The following SLC35F1 variants were observed in gnomAD, a reference collection of about 807,000 sequenced individuals.
SLC35F1 encodes solute carrier family 35 member F1, also known as chromosome 6 open reading frame 169.
In SLC35F1, 14 loss-of-function variants were observed where a neutral mutation model predicts 48.7. The observed-to-expected ratio is 0.29, with a 90% CI of 0.19 to 0.45. The LOEUF is 0.45. Ranked by LOEUF, SLC35F1 falls within the 20% of genes least tolerant of loss-of-function variation. The probability of loss-of-function intolerance (pLI) is 1.00; values close to 1 mark genes in which losing one functional copy is unlikely to be tolerated. For synonymous variants in SLC35F1, 190 were observed against 202.2 expected (o/e 0.94, Z 0.51); for missense variants, 404 against 500.0 (o/e 0.81, Z 1.83).
chr6:118,260,049 G>T (rs888196826), intron 3 of SLC35F1, among the ~76,000 whole-genome samples: 1 of 152,110 alleles, frequency 6.6e-6, no homozygotes, highest in Non-Finnish European at 1.5e-5. Flanking sequence ...CAGTAAAAAG[G>T]AATGAGGTGT....
chr6:117,929,445 A>G (rs1323287846), intron 1 of SLC35F1, among the ~76,000 whole-genome samples: 2 of 124,300 alleles, frequency 1.6e-5, no homozygotes, highest in Admixed American at 9.2e-5. Flanking sequence ...ATATATGTGT[A>G]TGTATTTATG....
chr6:117,907,943 G>T, intron 1 of SLC35F1, 44 bp downstream of exon 1: 2 of 1,294,474 alleles, frequency 1.5e-6, no homozygotes, highest in Non-Finnish European at 1.9e-6. Context: ...CGGGGGCTGC[G>T]GGCGCCCGGC....
intron 2 of SLC35F1, among the ~76,000 whole-genome samples, chr6:118,161,433 CT>C (rs1278144059): frequency 2.0e-5 from 3 of 152,274 alleles, no homozygotes; most frequent in African/African-American, 7.2e-5. Context: ...TGAGAAGGGA[CT>C]GTTATTAGCA....
chr6:118,045,326 T>G (rs368535186), intron 1 of SLC35F1, among the ~76,000 whole-genome samples: 2 of 152,266 alleles, frequency 1.3e-5, no homozygotes. Flanking sequence ...ATGAACATAC[T>G]TGTCAGTTGC....
intron 1 of SLC35F1, among the ~76,000 whole-genome samples, chr6:118,137,583 C>T (rs1255626333): frequency 6.6e-6 from 1 of 152,158 alleles, no homozygotes; most frequent in East Asian, 1.9e-4. Context: ...TATCAAAGTG[C>T]ACTGGACCAC....
intron 1 of SLC35F1, among the ~76,000 whole-genome samples, chr6:118,026,050 T>C (rs1427952446): frequency 6.6e-6 from 1 of 152,154 alleles, no homozygotes; most frequent in Non-Finnish European, 1.5e-5. Flanking sequence ...ATTCACACCG[T>C]CTCCAGCCTT....
At chr6:118,192,561 A>G (rs1467828950) in intron 2 of SLC35F1, among the ~76,000 whole-genome samples, 3 of 152,188 alleles carry the variant, frequency 2.0e-5, no homozygotes, top group Non-Finnish European at 4.4e-5. Flanking sequence ...TAGTCAGTTA[A>G]ATACACAATT....
chr6:118,096,400 G>A (rs1188001551), intron 1 of SLC35F1, among the ~76,000 whole-genome samples: 1 of 152,092 alleles, frequency 6.6e-6, no homozygotes, highest in Admixed American at 6.6e-5. Flanking sequence ...AATTTTCGTA[G>A]ACATACTGAC....
Position 118,154,491 on chromosome 6 carries a change from A to G in SLC35F1, c.220A>G (p.Ile74Val). 1 of 1,613,678 alleles carries G rather than the reference A, an allele frequency of 6.2e-7. No individual in the cohort carries two copies. The highest frequency in any genetic ancestry group is 8.5e-7 in the Non-Finnish European group (1 of 1,179,840). ...CCTAGGCCAGGTGTTATCCCTCCTT[A>G]TTTGTGGAATTGGCTTGACTAGCAA... ...VALGQVLSLL[I>V]CGIGLTSKYL... The change falls in exon 2 of 8, where the codon ATT (isoleucine) becomes GTT (valine). Residue 74 changes from isoleucine (I) to valine (V), a missense_variant. Ile to Val is a conservative substitution (Grantham distance 29). Around this residue, in one of 2 missense-constraint regions of SLC35F1, gnomAD observed 306 missense variants for 419.1 expected, o/e 0.73. Transcript: ENST00000360388.
At chr6:117,967,309 C>T (rs900207392) in intron 1 of SLC35F1, among the ~76,000 whole-genome samples, 1 of 151,964 alleles carries the variant, frequency 6.6e-6, no homozygotes, top group Non-Finnish European at 1.5e-5. Context: ...CATTTTGAAA[C>T]CATAGAAAAA....
At chr6:118,128,009 C>T (rs1773653845) in intron 1 of SLC35F1, among the ~76,000 whole-genome samples, 1 of 151,784 alleles carries the variant, frequency 6.6e-6, no homozygotes, top group Non-Finnish European at 1.5e-5. Context: ...AGGATATGAA[C>T]AGACACTTCT....
intron 1 of SLC35F1, among the ~76,000 whole-genome samples, chr6:118,118,408 A>G (rs992445263): frequency 1.3e-5 from 2 of 152,200 alleles, no homozygotes; most frequent in Non-Finnish European, 2.9e-5. Flanking sequence ...CCTTGTTACC[A>G]TGGAAAATCA....
intron 1 of SLC35F1, among the ~76,000 whole-genome samples, chr6:118,102,246 CAA>C (rs1773268506): frequency 1.3e-5 from 2 of 152,188 alleles, no homozygotes; most frequent in African/African-American, 4.8e-5. Flanking sequence ...TGCAGTGGTG[CAA>C]TCATGTCTCA....
intron 3 of SLC35F1, among the ~76,000 whole-genome samples, chr6:118,264,608 C>G (rs1775749926): frequency 6.6e-6 from 1 of 152,218 alleles, no homozygotes; most frequent in African/African-American, 2.4e-5. Context: ...CAGCTCTCCT[C>G]AAAGATTGGA....
At chr6:118,126,173 GTC>G (rs1481252418) in intron 1 of SLC35F1, among the ~76,000 whole-genome samples, 1 of 152,156 alleles carries the variant, frequency 6.6e-6, no homozygotes, top group East Asian at 1.9e-4. Context: ...TGGACCTAGT[GTC>G]TCATCAATAA....
intron 1 of SLC35F1, among the ~76,000 whole-genome samples, chr6:117,928,644 T>C (rs1355255451): frequency 6.6e-6 from 1 of 152,214 alleles, no homozygotes; most frequent in Non-Finnish European, 1.5e-5. Flanking sequence ...AAGCCATAGA[T>C]ACTAGTTTGC....
intron 1 of SLC35F1, among the ~76,000 whole-genome samples, chr6:117,911,235 C>T (rs960290307): frequency 2.6e-5 from 4 of 152,102 alleles, no homozygotes; most frequent in Non-Finnish European, 5.9e-5. Flanking sequence ...CCCTGGTATA[C>T]TCAAAATTGT....
At chr6:117,979,478 T>C (rs574080330) in intron 1 of SLC35F1, among the ~76,000 whole-genome samples, 5 of 152,220 alleles carry the variant, frequency 3.3e-5, no homozygotes, top group Non-Finnish European at 5.9e-5. Context: ...AGAAGTAGAC[T>C]TCAGATACAT....
rs1471139124 is a variant in SLC35F1 at position 118,267,003 on chromosome 6, C to T, written c.486C>T (p.Asp162=). The part of the protein sequence containing the change: ...YTTLTSIQLL[D]CFVIPVVILL... ...TTCATCCCTCCCAATAGCTCCTGGA[C>T]TGTTTTGTGATCCCAGTCGTGATTT... is the stretch of plus-strand genomic sequence containing the variant. Residue 162 remains aspartate (D), a synonymous_variant, in exon 4 of 8, where the codon GAC becomes GAT. Transcript: ENST00000360388. The T allele has an allele frequency of 6.2e-7, 1 of 1,613,920 alleles. No homozygotes were observed. The highest frequency in any genetic ancestry group is 2.2e-5 in the East Asian group (1 of 44,880).
Sources: allele counts gnomAD v4.1 joint callset (sites outside exome capture counted in the v4.1 genomes callset), GRCh38; gene constraint gnomAD v4.1.1; regional missense constraint gnomAD v4.1.1; transcripts MANE v1.5; gene names NCBI Gene and HGNC (gene_info 2026-07-23, HGNC 2026-07-21).